STXBP6: variants seen among roughly 807,000 people sequenced by gnomAD.
STXBP6 encodes syntaxin binding protein 6, also known as syntaxin-binding protein 6.
In STXBP6, 21 loss-of-function variants were observed where a neutral mutation model predicts 26.9. The ratio of observed to expected loss-of-function variants is 0.78; its 90% CI spans 0.55 to 1.12. The LOEUF (loss-of-function observed/expected upper bound fraction) is 1.12. STXBP6 is among the 50% of genes most tolerant of loss of function. STXBP6 has a pLI of 0.00. For synonymous variants in STXBP6, 97 were observed against 92.6 expected, an observed-to-expected ratio of 1.05 and a Z score of -0.27; for missense variants, 232 against 257.9, an observed-to-expected ratio of 0.90 and a Z score of 0.69.
intron 2 of STXBP6, among the ~76,000 whole-genome samples, chr14:24,887,638 T>A (rs2070639015): frequency 6.6e-6 from 1 of 152,168 alleles, no homozygotes; most frequent in African/African-American, 2.4e-5. Flanking sequence ...CTCAGGCAAA[T>A]CATTTCTGAT....
intron 2 of STXBP6, among the ~76,000 whole-genome samples, chr14:24,950,481 A>C (rs561029727): frequency 3.9e-5 from 6 of 152,350 alleles, no homozygotes; most frequent in African/African-American, 1.4e-4. Flanking sequence ...TTATGATAGA[A>C]TCCTATTCAG....
intron 4 of STXBP6, among the ~76,000 whole-genome samples, chr14:24,823,647 T>G (rs541337900): frequency 6.6e-6 from 1 of 152,306 alleles, no homozygotes; most frequent in Admixed American, 6.5e-5. Context: ...GCTGAGTCAA[T>G]GTGCTTATCT....
chr14:24,811,600 A>G lies in STXBP6; in HGVS notation c.*1109T>C, dbSNP rs368400592. Reference sequence around the variant, plus strand: ...TAAAGGTTTGTGATTGTGGTGTTTTATATCAGACCAGGCAAGGTGCAATTG... The same window carrying G: ...TAAAGGTTTGTGATTGTGGTGTTTTGTATCAGACCAGGCAAGGTGCAATTG... On this transcript the variant is annotated 3_prime_UTR_variant, in exon 6 of 6. Coordinates refer to ENST00000323944, the MANE Select transcript of STXBP6 (RefSeq NM_001394410.1). 113 of 152,294 alleles carry G rather than the reference A, an allele frequency of 7.4e-4. 1 individual carries two copies. Among genetic ancestry groups the G allele is most frequent in the African/African-American group, 2.6e-3 (108 of 41,570 alleles). 9.4% of individuals were successfully genotyped at this position (152,294 alleles called of 1,614,324 possible).
intron 1 of STXBP6, among the ~76,000 whole-genome samples, chr14:25,042,290 T>A (rs2075655516): frequency 6.6e-6 from 1 of 152,234 alleles, no homozygotes; most frequent in Non-Finnish European, 1.5e-5. Flanking sequence ...CATAATGTCC[T>A]CATGCCAATC....
chr14:25,007,733 T>A (rs2074935587), intron 1 of STXBP6, among the ~76,000 whole-genome samples: 2 of 152,214 alleles, frequency 1.3e-5, no homozygotes, highest in South Asian at 4.1e-4. Context: ...AATTATTTCC[T>A]CCAAATCTGA....
At chr14:24,987,894 T>C in intron 1 of STXBP6, 1 of 985,422 alleles carries the variant, frequency 1.0e-6, no homozygotes, top group African/African-American at 1.7e-5. Context: ...ACTCATTCAA[T>C]ATCACTGCAT....
At chr14:24,899,803 A>AAAAAAAAAAAAAAAAAAGC (rs2071144681) in intron 2 of STXBP6, among the ~76,000 whole-genome samples, 9 of 80,118 alleles carry the variant, frequency 1.1e-4, no homozygotes, top group Admixed American at 1.7e-4. Context: ...AAAAAAAGCA[A>AAAAAAAAAAAAAAAAAAGC]AAAAAAAAAA....
At chr14:24,908,925 GA>G (rs2071475370) in intron 2 of STXBP6, among the ~76,000 whole-genome samples, 1 of 152,152 alleles carries the variant, frequency 6.6e-6, no homozygotes, top group Non-Finnish European at 1.5e-5. Flanking sequence ...AAGTTAATGG[GA>G]TTTGGCAGAA....
chr14:25,015,518 G>T (rs1049198580), intron 1 of STXBP6, among the ~76,000 whole-genome samples: 1 of 151,544 alleles, frequency 6.6e-6, no homozygotes, highest in East Asian at 1.9e-4. Flanking sequence ...AAAAGAAATG[G>T]ATTTATTATT....
In STXBP6 at chr14:25,049,324, C is replaced by T; in HGVS notation, c.-33+554G>A. Reference sequence around the variant, plus strand: ...CCTGAGATCGGAAAGGGGGCATCGCCCAGGGCCAGCGCCCTGGGGGCAGGG... The same window carrying T: ...CCTGAGATCGGAAAGGGGGCATCGCTCAGGGCCAGCGCCCTGGGGGCAGGG... On this transcript the variant is annotated intron_variant, in intron 1 of 5. Transcript: ENST00000323944. This position sits in a 1 kb window ranked among gnomAD's most constrained non-coding sequence, Gnocchi z 5.6. 4.1e-6 allele frequency: 4 copies of T among 985,426 alleles called. No individual in the cohort carries two copies. The highest frequency in any genetic ancestry group is 4.8e-6 in the Non-Finnish European group (4 of 829,930). 61.0% of individuals were successfully genotyped at this position (985,426 alleles called of 1,614,324 possible). A position where few individuals can be genotyped will look rare whatever the true frequency, so the allele number is the denominator to read the frequency against.
chr14:25,044,262 T>C (rs2075690710), intron 1 of STXBP6, among the ~76,000 whole-genome samples: 1 of 152,040 alleles, frequency 6.6e-6, no homozygotes, highest in South Asian at 2.1e-4. Flanking sequence ...GTATCTATCT[T>C]GGAGGGGAAT....
At chr14:24,854,695 G>C (rs1384105548) in intron 4 of STXBP6, among the ~76,000 whole-genome samples, 1 of 152,052 alleles carries the variant, frequency 6.6e-6, no homozygotes, top group African/African-American at 2.4e-5. Context: ...AGTCCGTTAA[G>C]GCTGGACTTT....
chr14:24,876,696 T>C (rs1048637379), intron 2 of STXBP6, among the ~76,000 whole-genome samples: 2 of 152,186 alleles, frequency 1.3e-5, no homozygotes, highest in Non-Finnish European at 2.9e-5. Context: ...CAGGGCAAGG[T>C]TCACTTAATT....
intron 4 of STXBP6, among the ~76,000 whole-genome samples, chr14:24,854,317 G>A (rs1467106171): frequency 6.6e-6 from 1 of 152,096 alleles, no homozygotes; most frequent in Non-Finnish European, 1.5e-5. Flanking sequence ...AGGAAGTGCA[G>A]TAGTTTCTAT....
At chr14:24,960,690 C>G (rs752123348) in intron 2 of STXBP6, among the ~76,000 whole-genome samples, 2 of 152,138 alleles carry the variant, frequency 1.3e-5, no homozygotes, top group African/African-American at 4.8e-5. Context: ...GCACATTTGG[C>G]CTTTACAGCT....
chr14:24,935,255 T>C (rs1213240790), intron 2 of STXBP6, among the ~76,000 whole-genome samples: 1 of 152,136 alleles, frequency 6.6e-6, no homozygotes, highest in African/African-American at 2.4e-5. Flanking sequence ...TATGTGCAAA[T>C]AGGTTTTGCT....
At chr14:24,936,395 G>A (rs2072599329) in intron 2 of STXBP6, among the ~76,000 whole-genome samples, 2 of 152,186 alleles carry the variant, frequency 1.3e-5, no homozygotes. Flanking sequence ...TCAGATAGAA[G>A]AGGTCACTAG....
At chr14:24,924,351 A>T (rs2072087056) in intron 2 of STXBP6, among the ~76,000 whole-genome samples, 1 of 152,166 alleles carries the variant, frequency 6.6e-6, no homozygotes, top group Admixed American at 6.5e-5. Context: ...AAAAGACCAA[A>T]ACTGAACTGA....
At chr14:24,844,602 T>TA (rs2068891798) in intron 4 of STXBP6, among the ~76,000 whole-genome samples, 1 of 152,196 alleles carries the variant, frequency 6.6e-6, no homozygotes, top group Admixed American at 6.5e-5. Flanking sequence ...AAAACCCACA[T>TA]AGCTGGTGTC....
Sources: allele counts gnomAD v4.1 joint callset (sites outside exome capture counted in the v4.1 genomes callset), GRCh38; gene constraint gnomAD v4.1.1; non-coding constraint Gnocchi (gnomAD v3.1); transcripts MANE v1.5; gene names NCBI Gene and HGNC (gene_info 2026-07-23, HGNC 2026-07-21).